The following CLSTN2 variants were observed in gnomAD, a reference collection of about 807,000 sequenced individuals.
CLSTN2 encodes the protein calsyntenin 2, also known as calsyntenin-2.
In CLSTN2, 48 loss-of-function variants were observed where a neutral mutation model predicts 101.2. The observed-to-expected ratio is 0.47, with a 90% CI of 0.38 to 0.60. The LOEUF (loss-of-function observed/expected upper bound fraction) is 0.60, where lower values mean the gene tolerates loss of function less well. Among genes scored for constraint, CLSTN2 ranks in the 20% least tolerant of loss-of-function variants. The pLI is 0.00. For synonymous variants in CLSTN2, 481 were observed against 463.6 expected (o/e 1.04, Z -0.48); for missense variants, 1,160 against 1,238.2 (o/e 0.94, Z 0.95).
chr3:140,189,119 T>G (rs1484868604), intron 2 of CLSTN2, among the ~76,000 whole-genome samples: 1 of 152,238 alleles, frequency 6.6e-6, no homozygotes, highest in Non-Finnish European at 1.5e-5. Flanking sequence ...TCCTTTTTAT[T>G]GTTGAGTGGT....
chr3:140,175,987 A>G lies in CLSTN2; in HGVS notation c.146A>G (p.His49Arg). The change falls in exon 2 of 17, where the codon CAT (histidine) becomes CGT (arginine). Residue 49 changes from histidine to arginine, a missense_variant. Coordinates refer to ENST00000458420, the MANE Select transcript of CLSTN2 (RefSeq NM_022131.3). Reference sequence around the variant, plus strand: ...AAGCCATGGATCGAGACTTCATATCATGGAGTCATAACTGAGAACAATGAC... The same window carrying G: ...AAGCCATGGATCGAGACTTCATATCGTGGAGTCATAACTGAGAACAATGAC... ...KHKPWIETSY[H>R]GVITENNDTV... 1 of 1,613,760 alleles carries G rather than the reference A, an allele frequency of 6.2e-7. No homozygotes were observed.
At chr3:140,301,360 A>G (rs1017585924) in intron 2 of CLSTN2, among the ~76,000 whole-genome samples, 3 of 152,230 alleles carry the variant, frequency 2.0e-5, no homozygotes, top group African/African-American at 7.2e-5. Flanking sequence ...TACATCTTTT[A>G]TGAAAAAACA....
chr3:140,006,729 A>T (rs2006966103), intron 1 of CLSTN2, among the ~76,000 whole-genome samples: 1 of 152,210 alleles, frequency 6.6e-6, no homozygotes. Flanking sequence ...AAATTAAAAC[A>T]TTCCTCACTA....
At chr3:140,387,554 CA>C (rs2088066711) in intron 2 of CLSTN2, among the ~76,000 whole-genome samples, 1 of 152,154 alleles carries the variant, frequency 6.6e-6, no homozygotes, top group African/African-American at 2.4e-5. Flanking sequence ...CATTCTTTGC[CA>C]ACTGGGTCCC....
chr3:139,971,993 G>T (rs1935713361), intron 1 of CLSTN2, among the ~76,000 whole-genome samples: 1 of 152,200 alleles, frequency 6.6e-6, no homozygotes, highest in South Asian at 2.1e-4. Context: ...GCCAGGCGTG[G>T]TGGCTCATGC....
intron 1 of CLSTN2, among the ~76,000 whole-genome samples, chr3:140,027,020 G>T (rs1222577202): frequency 1.3e-5 from 2 of 152,206 alleles, no homozygotes; most frequent in South Asian, 2.1e-4. Context: ...TTAGACTTGG[G>T]GCTGGTGGTG....
chr3:140,232,045 G>A (rs2086375901), intron 2 of CLSTN2, among the ~76,000 whole-genome samples: 1 of 152,158 alleles, frequency 6.6e-6, no homozygotes, highest in African/African-American at 2.4e-5. Context: ...ACGAGGAAAA[G>A]TATTTAAAAT....
At chr3:140,533,056 A>G (rs1057468489) in intron 9 of CLSTN2, among the ~76,000 whole-genome samples, 1 of 152,170 alleles carries the variant, frequency 6.6e-6, no homozygotes, top group Non-Finnish European at 1.5e-5. Flanking sequence ...GAGGCCCTTT[A>G]TGCCTTCCCA....
At chr3:139,961,673 C>G (rs1050021352) in intron 1 of CLSTN2, among the ~76,000 whole-genome samples, 5 of 151,848 alleles carry the variant, frequency 3.3e-5, no homozygotes, top group African/African-American at 1.2e-4. Context: ...AAGGGCTTGC[C>G]TTTTTAAGGG....
In CLSTN2 at chr3:140,525,300, G is replaced by A. The variant is rs547865362; in HGVS notation, c.1345-7024G>A. Among the ~76,000 whole-genome samples, 5 of 152,254 alleles carry A rather than the reference G, an allele frequency of 3.3e-5. No homozygotes were observed. In the South Asian group the frequency reaches 1.0e-3, roughly 32 times the overall value. On this transcript the variant is annotated intron_variant, in intron 8 of 16. Coordinates refer to ENST00000458420, the MANE Select transcript of CLSTN2 (RefSeq NM_022131.3). ...CCACATAAAGCAAAAGATCCTCAGA[G>A]ACCATTATGAAAACCTCTCTGCATA... is the stretch of plus-strand genomic sequence containing the variant.
chr3:140,399,657 T>A (rs2088219459), intron 2 of CLSTN2, among the ~76,000 whole-genome samples: 1 of 152,232 alleles, frequency 6.6e-6, no homozygotes, highest in South Asian at 2.1e-4. Context: ...ACCACAACAG[T>A]ATAAATACTA....
intron 2 of CLSTN2, among the ~76,000 whole-genome samples, chr3:140,363,820 C>T (rs533201849): frequency 6.6e-6 from 1 of 152,084 alleles, no homozygotes; most frequent in African/African-American, 2.4e-5. Flanking sequence ...AGGGATGAAT[C>T]GAGGAGGGGG....
chr3:140,130,202 G>A (rs1000074053), intron 1 of CLSTN2, among the ~76,000 whole-genome samples: 5 of 152,172 alleles, frequency 3.3e-5, no homozygotes, highest in African/African-American at 4.8e-5. Context: ...ATTCTGCACC[G>A]TGTGAATTTG....
At position 140,462,188 on chromosome 3, in the gene CLSTN2, A is replaced by G. The variant is rs180693429; in HGVS notation, c.1222+2419A>G. Among the ~76,000 whole-genome samples, 5 of 150,618 alleles carry G rather than the reference A, an allele frequency of 3.3e-5. No homozygotes were observed. The Admixed American group carries it at 3.4e-4, about 10-fold the overall frequency. Reference sequence around the variant, plus strand: ...TAGAATGCCTTTAAACTTTTATAATATCTGTGATATTATTATGTCATCAGT... The same window carrying G: ...TAGAATGCCTTTAAACTTTTATAATGTCTGTGATATTATTATGTCATCAGT... On this transcript the variant is annotated intron_variant, in intron 7 of 16. Transcript: ENST00000458420.
intron 1 of CLSTN2, among the ~76,000 whole-genome samples, chr3:140,068,665 T>C (rs2008340591): frequency 6.6e-6 from 1 of 152,244 alleles, no homozygotes; most frequent in Non-Finnish European, 1.5e-5. Flanking sequence ...GATGGAATAT[T>C]CAGTTTCTGA....
intron 1 of CLSTN2, among the ~76,000 whole-genome samples, chr3:140,046,726 C>T (rs979428681): frequency 1.3e-5 from 2 of 152,188 alleles, no homozygotes; most frequent in African/African-American, 4.8e-5. Flanking sequence ...CAAAATCTCT[C>T]AGCATTTGCT....
intron 1 of CLSTN2, among the ~76,000 whole-genome samples, chr3:140,173,917 G>T (rs2010278781): frequency 6.6e-6 from 1 of 152,206 alleles, no homozygotes; most frequent in African/African-American, 2.4e-5. Context: ...GGGAGGGGCT[G>T]CCATGAAGAC....
chr3:140,136,402 G>T (rs1361652200), intron 1 of CLSTN2, among the ~76,000 whole-genome samples: 1 of 152,192 alleles, frequency 6.6e-6, no homozygotes, highest in Non-Finnish European at 1.5e-5. Context: ...TATTTCTCTT[G>T]TAGGAATTGT....
chr3:140,136,308 C>G (rs942103174), intron 1 of CLSTN2, among the ~76,000 whole-genome samples: 1 of 152,176 alleles, frequency 6.6e-6, no homozygotes, highest in South Asian at 2.1e-4. Flanking sequence ...AAACTTAACT[C>G]CACCTCTTAA....
Sources: gnomAD v4.1 joint callset for allele counts (sites outside exome capture counted in the v4.1 genomes callset) on GRCh38, gnomAD v4.1.1 for gene constraint, MANE v1.5 for transcripts, NCBI Gene and HGNC (gene_info 2026-07-23, HGNC 2026-07-21) for gene names.